Variants in CSMD1 observed in about 807,000 individuals in gnomAD.
CSMD1 encodes the protein CUB and sushi domain-containing protein 1.
CSMD1 carries 213 observed loss-of-function variants against 417.5 expected under a neutral mutation model. That is an observed-to-expected ratio of 0.51 (90% CI 0.46 to 0.57). The LOEUF is 0.57. CSMD1 is among the 20% of genes least tolerant of loss of function. The probability of loss-of-function intolerance (pLI) is 0.00; values close to 1 mark genes in which losing one functional copy is unlikely to be tolerated. For synonymous variants in CSMD1, 2,862 were observed against 1,736.8 expected (o/e 1.65, Z -16.11); for missense variants, 6,923 against 4,529.7 (o/e 1.53, Z -15.17).
chr8:4,531,303 G>A (rs961348406), intron 2 of CSMD1, among the ~76,000 whole-genome samples: 11 of 152,152 alleles, frequency 7.2e-5, no homozygotes, highest in Admixed American at 7.2e-4. Context: ...AACCCGATGT[G>A]CCGTGGAATG....
At chr8:3,473,558 G>A (rs999224139) in intron 11 of CSMD1, among the ~76,000 whole-genome samples, 3 of 152,092 alleles carry the variant, frequency 2.0e-5, no homozygotes, top group South Asian at 2.1e-4. Flanking sequence ...AAAGAAGCAA[G>A]CAATATTGTT....
intron 2 of CSMD1, among the ~76,000 whole-genome samples, chr8:4,535,233 T>G (rs1398269740): frequency 6.6e-6 from 1 of 152,186 alleles, no homozygotes; most frequent in African/African-American, 2.4e-5. Context: ...AACTACATTT[T>G]AACAATTTTT....
At chr8:4,068,204 C>A (rs1360973267) in intron 3 of CSMD1, among the ~76,000 whole-genome samples, 2 of 152,186 alleles carry the variant, frequency 1.3e-5, no homozygotes, top group Non-Finnish European at 2.9e-5. Context: ...GCAGAAAAAT[C>A]TTCCGTGCAG....
In CSMD1 at chr8:4,222,651, G is replaced by C. The variant is rs2128809147; in HGVS notation, c.416-190552C>G. Among the ~76,000 whole-genome samples, 3 of 152,314 alleles carry C rather than the reference G, an allele frequency of 2.0e-5. 1 individual carries two copies. The highest frequency in any genetic ancestry group is 2.0e-4 in the Admixed American group (3 of 15,298). On this transcript the variant is annotated intron_variant, in intron 3 of 69. Transcript: ENST00000635120. ...GTCATTTAAATTTCTGAATCAATGT[G>C]ACGGCAGATGCCAAATTCAGTAACA...
intron 2 of CSMD1, among the ~76,000 whole-genome samples, chr8:4,544,670 C>T (rs908606087): frequency 1.3e-5 from 2 of 152,144 alleles, no homozygotes; most frequent in East Asian, 1.9e-4. Flanking sequence ...TATTCCATGT[C>T]CAGCTTTAAG....
chr8:3,206,222 GTC>G (rs1320632145), intron 30 of CSMD1, among the ~76,000 whole-genome samples: 2 of 137,894 alleles, frequency 1.5e-5, no homozygotes, highest in Non-Finnish European at 3.1e-5. Context: ...AGGTGTGTGT[GTC>G]TGTGTGTGTG....
At chr8:3,922,436 C>A (rs1809342670) in intron 5 of CSMD1, among the ~76,000 whole-genome samples, 1 of 151,982 alleles carries the variant, frequency 6.6e-6, no homozygotes, top group African/African-American at 2.4e-5. Context: ...TGGACTGTTT[C>A]ATCATTAATA....
chr8:4,319,194 C>A (rs181022585), intron 3 of CSMD1, among the ~76,000 whole-genome samples: 2 of 152,248 alleles, frequency 1.3e-5, no homozygotes, highest in East Asian at 1.9e-4. Flanking sequence ...CCCAGTAATT[C>A]CAATTACAGA....
At chr8:3,377,782 A>G (rs1168113491) in intron 18 of CSMD1, among the ~76,000 whole-genome samples, 1 of 152,168 alleles carries the variant, frequency 6.6e-6, no homozygotes, top group Non-Finnish European at 1.5e-5. Flanking sequence ...CTTTCCATGA[A>G]TGTTTCCTCA....
intron 3 of CSMD1, among the ~76,000 whole-genome samples, chr8:4,127,001 C>T (rs1307898324): frequency 2.0e-5 from 3 of 152,094 alleles, no homozygotes; most frequent in Non-Finnish European, 4.4e-5. Flanking sequence ...AGTTTGAGAG[C>T]CACTGGCCTA....
intron 1 of CSMD1, among the ~76,000 whole-genome samples, chr8:4,914,583 G>GAAAAAAAAAAAAAAAAA (rs59293226): frequency 7.5e-6 from 1 of 133,684 alleles, no homozygotes; most frequent in African/African-American, 2.8e-5. Flanking sequence ...CTCCCAAAAA[G>GAAAAAAAAAAAAAAAAA]AAAAAAAAAA....
At chr8:4,138,262 C>T (rs1175815841) in intron 3 of CSMD1, among the ~76,000 whole-genome samples, 1 of 144,188 alleles carries the variant, frequency 6.9e-6, no homozygotes, top group Non-Finnish European at 1.5e-5. Flanking sequence ...TTTCTCCTGG[C>T]TATGCCATAA....
chr8:4,994,686 G>A lies in CSMD1; in HGVS notation c.-270C>T, dbSNP rs964127736. ...CCGGGGCCGGGGACGAGCGCCGGCC[G>A]AGCCGGGCAGGAAGGCACCAAGGCG... On this transcript the variant is annotated 5_prime_UTR_variant, in exon 1 of 70. Coordinates refer to ENST00000635120, the MANE Select transcript of CSMD1 (RefSeq NM_033225.6). The A allele has an allele frequency of 9.9e-6, 4 of 403,506 alleles. No homozygotes were observed. The highest frequency in any genetic ancestry group is 7.8e-5 in the South Asian group (2 of 25,580). The allele number at this position is 403,506 out of a possible 1,614,324, so 25.0% of individuals were successfully genotyped here.
At chr8:3,571,527 C>T (rs1414186733) in intron 10 of CSMD1, among the ~76,000 whole-genome samples, 1 of 152,092 alleles carries the variant, frequency 6.6e-6, no homozygotes, top group Non-Finnish European at 1.5e-5. Flanking sequence ...TCACCTGCCT[C>T]GAGTTTGACT....
chr8:4,342,761 A>G (rs1563074606), intron 3 of CSMD1, among the ~76,000 whole-genome samples: 3 of 152,094 alleles, frequency 2.0e-5, no homozygotes, highest in Admixed American at 2.0e-4. Flanking sequence ...GACGTGTTAA[A>G]AAGAAAAATA....
At chr8:4,849,630 T>G (rs1801349538) in intron 1 of CSMD1, among the ~76,000 whole-genome samples, 1 of 152,172 alleles carries the variant, frequency 6.6e-6, no homozygotes, top group Admixed American at 6.5e-5. Context: ...AAAAATGCTC[T>G]AATACACAAA....
chr8:4,778,958 G>A (rs1585084809), intron 1 of CSMD1, among the ~76,000 whole-genome samples: 2 of 152,312 alleles, frequency 1.3e-5, no homozygotes, highest in African/African-American at 4.8e-5. Context: ...TAGCCATAAT[G>A]TTAAGAATGT....
chr8:4,884,373 T>G (rs1803593731), intron 1 of CSMD1, among the ~76,000 whole-genome samples: 1 of 151,996 alleles, frequency 6.6e-6, no homozygotes. Flanking sequence ...ACGTTTAGAG[T>G]TTTGATGAAG....
At chr8:2,983,017 A>T (rs1339427372) in intron 54 of CSMD1, among the ~76,000 whole-genome samples, 2 of 152,144 alleles carry the variant, frequency 1.3e-5, no homozygotes, top group Non-Finnish European at 2.9e-5. Context: ...ACTTTGCAGG[A>T]TTCGTATCTA....
Sources: allele counts gnomAD v4.1 joint callset (sites outside exome capture counted in the v4.1 genomes callset), GRCh38; gene constraint gnomAD v4.1.1; transcripts MANE v1.5; gene names NCBI Gene and HGNC (gene_info 2026-07-23, HGNC 2026-07-21).